The following SLCO3A1 variants were observed in gnomAD, a reference collection of about 807,000 sequenced individuals.
SLCO3A1 encodes the protein solute carrier organic anion transporter family member 3A1, also known as PGE1 transporter.
A neutral mutation model predicts 63.1 loss-of-function variants in SLCO3A1; 27 were observed. The observed-to-expected ratio is 0.43, with a 90% CI of 0.32 to 0.59. SLCO3A1 has a LOEUF of 0.59. Among genes scored for constraint, SLCO3A1 ranks in the 20% least tolerant of loss-of-function variants. The probability of loss-of-function intolerance (pLI) is 0.09; values close to 1 mark genes in which losing one functional copy is unlikely to be tolerated. For synonymous variants in SLCO3A1, 473 were observed against 409.9 expected (o/e 1.15, Z -1.86); for missense variants, 773 against 945.8 (o/e 0.82, Z 2.40).
rs1439048008 is a variant in SLCO3A1 at position 91,971,028 on chromosome 15, G to A, written c.646+54570G>A. The stretch of plus-strand genomic sequence containing the variant: ...TGTAGCCCCCAAATCAATACTCACG[G>A]CACCTTTGAAGACATGTGCAGGGTG... On this transcript the variant is annotated intron_variant, in intron 2 of 9. Coordinates refer to ENST00000318445, the MANE Select transcript of SLCO3A1 (RefSeq NM_013272.4). 2.6e-5 allele frequency among the ~76,000 whole-genome samples: 4 copies of A among 152,204 alleles called. No individual in the cohort carries two copies. The East Asian group carries it at 7.7e-4, about 29-fold the overall frequency.
chr15:91,861,921 T>G (rs1170042125), intron 1 of SLCO3A1, among the ~76,000 whole-genome samples: 1 of 117,076 alleles, frequency 8.5e-6, no homozygotes, highest in Non-Finnish European at 1.6e-5. Flanking sequence ...ATTACAGGTG[T>G]GAGCCACGGT....
rs1900725185 is a variant in SLCO3A1 at position 91,968,118 on chromosome 15, C to T, written c.646+51660C>T. Among the ~76,000 whole-genome samples the T allele has an allele frequency of 6.6e-6, 1 of 152,132 alleles. No individual in the cohort carries two copies. On this transcript the variant is annotated intron_variant, in intron 2 of 9. Transcript: ENST00000318445. The surrounding 1 kb of genome is among the most constrained non-coding windows in gnomAD (Gnocchi z 4.2). The stretch of plus-strand genomic sequence containing the variant: ...GGGAAGCCACTTACGGCCTATCCAT[C>T]AAAGCACAGTGCGTGTCTCCTTTCT...
intron 2 of SLCO3A1, among the ~76,000 whole-genome samples, chr15:92,059,585 G>T (rs1425744492): frequency 6.6e-6 from 1 of 152,126 alleles, no homozygotes; most frequent in South Asian, 2.1e-4. Flanking sequence ...CTGTGCCCCC[G>T]ACCAGATGGC....
rs188055465 is a variant in SLCO3A1, at chr15:91,967,769, T to C, written c.646+51311T>C. ...GCTGTGTTGTTTTCAAACAGCCTAC[T>C]TTTGGGGAACCACGAGGACGTAGTG... On this transcript the variant is annotated intron_variant, in intron 2 of 9. Transcript: ENST00000318445. The surrounding 1 kb of genome is among the most constrained non-coding windows in gnomAD (Gnocchi z 4.4). Among the ~76,000 whole-genome samples, 832 of 152,334 alleles carry C rather than the reference T, an allele frequency of 5.5e-3. 6 individuals carry two copies. Among genetic ancestry groups the C allele is most frequent in the Admixed American group, 7.8e-3 (119 of 15,310 alleles).
intron 8 of SLCO3A1, among the ~76,000 whole-genome samples, chr15:92,148,239 A>G (rs993683398): frequency 6.6e-6 from 1 of 152,220 alleles, no homozygotes; most frequent in East Asian, 1.9e-4. Context: ...GACTTGCCTA[A>G]TTGGGATGCA....
intron 2 of SLCO3A1, among the ~76,000 whole-genome samples, chr15:91,932,686 G>T (rs1180718085): frequency 6.6e-6 from 1 of 152,144 alleles, no homozygotes; most frequent in Non-Finnish European, 1.5e-5. Flanking sequence ...CAGGTGATCT[G>T]CCTGCCTCGG....
chr15:92,124,717 T>G lies in SLCO3A1; in HGVS notation c.1175-1344T>G, dbSNP rs1487679861. On this transcript the variant is annotated intron_variant, in intron 5 of 9. Transcript: ENST00000318445. ...CTGCTTCAAAGAGCTGAGAGAGCCA[T>G]GAAAACAGTATGGAATCTCAGGGTG... Among the ~76,000 whole-genome samples, 3 of 152,026 alleles carry G rather than the reference T, an allele frequency of 2.0e-5. No individual in the cohort carries two copies. The East Asian group carries it at 5.8e-4, about 29-fold the overall frequency.
intron 2 of SLCO3A1, among the ~76,000 whole-genome samples, chr15:91,931,969 G>A (rs1172423934): frequency 6.6e-6 from 1 of 152,170 alleles, no homozygotes; most frequent in African/African-American, 2.4e-5. Flanking sequence ...AAATCAAGGT[G>A]GAAGATTAGG....
rs1896992660 is a variant in SLCO3A1 at position 91,859,145 on chromosome 15, A to G, written c.180+5057A>G. On this transcript the variant is annotated intron_variant, in intron 1 of 9. Coordinates refer to ENST00000318445, the MANE Select transcript of SLCO3A1 (RefSeq NM_013272.4). This position sits in a 1 kb window ranked among gnomAD's most constrained non-coding sequence, Gnocchi z 5.1. ...TTGCATACAATGAATATTGTATGCCATACTTTTTGAAGGTGCGAAGGGACA... is the reference window on the plus strand; with the variant it reads ...TTGCATACAATGAATATTGTATGCCGTACTTTTTGAAGGTGCGAAGGGACA... Among the ~76,000 whole-genome samples the G allele has an allele frequency of 6.6e-6, 1 of 152,210 alleles. No homozygotes were observed. Among genetic ancestry groups the G allele is most frequent in the African/African-American group, 2.4e-5 (1 of 41,452 alleles).
chr15:92,105,192 G>T (rs903848075), intron 4 of SLCO3A1, among the ~76,000 whole-genome samples: 5 of 152,094 alleles, frequency 3.3e-5, no homozygotes, highest in African/African-American at 1.2e-4. Flanking sequence ...CTTGATCCTG[G>T]GTTCAAGCTC....
downstream of SLCO3A1, among the ~76,000 whole-genome samples, chr15:92,166,983 A>G (rs1372324009): frequency 1.3e-5 from 2 of 152,364 alleles, no homozygotes; most frequent in Non-Finnish European, 2.9e-5. Context: ...TATGAAGGTC[A>G]GTGCATAGAG....
At chr15:92,067,835 G>A (rs145616568) in intron 2 of SLCO3A1, among the ~76,000 whole-genome samples, 1 of 152,210 alleles carries the variant, frequency 6.6e-6, no homozygotes, top group Non-Finnish European at 1.5e-5. Flanking sequence ...TCATGGTTCT[G>A]CAGGCGGGGA....
intron 2 of SLCO3A1, among the ~76,000 whole-genome samples, chr15:92,024,862 C>T (rs1447539254): frequency 6.6e-6 from 1 of 152,050 alleles, no homozygotes; most frequent in Non-Finnish European, 1.5e-5. Context: ...AAGGCCTTCC[C>T]ATTCATCAAC....
intron 2 of SLCO3A1, among the ~76,000 whole-genome samples, chr15:91,956,993 G>GTATATATATAATATATAA (rs370413709): frequency 1.3e-4 from 1 of 7,970 alleles, no homozygotes. Context: ...ATAATATATA[G>GTATATATATAATATATAA]TATATATTAT....
At chr15:92,028,333 A>G (rs76785002) in intron 2 of SLCO3A1, among the ~76,000 whole-genome samples, 5,754 of 152,154 alleles carry the variant, frequency 0.038, 178 homozygotes, top group Non-Finnish European at 0.051. Context: ...CAGCACCAAA[A>G]TCTGCCCCCC....
chr15:92,116,084 G>A (rs1193646219), intron 4 of SLCO3A1, among the ~76,000 whole-genome samples: 2 of 152,118 alleles, frequency 1.3e-5, no homozygotes, highest in African/African-American at 2.4e-5. Context: ...CTGCTGTGCT[G>A]CTCTAACCAT....
chr15:92,171,323 AAAAC>A (rs1397370171), intron 10 of SLCO3A1: 1 of 153,992 alleles, frequency 6.5e-6, no homozygotes, highest in Admixed American at 6.4e-5. Flanking sequence ...GCTACACAAA[AAAAC>A]AAACTGTCCC....
chr15:92,099,835 G>A (rs2047583098), intron 3 of SLCO3A1, among the ~76,000 whole-genome samples: 1 of 152,162 alleles, frequency 6.6e-6, no homozygotes, highest in Admixed American at 6.5e-5. Context: ...GCCGAGGCAG[G>A]TGGATCACCT....
chr15:91,946,994 A>G (rs1389498324), intron 2 of SLCO3A1, among the ~76,000 whole-genome samples: 4 of 152,224 alleles, frequency 2.6e-5, no homozygotes, highest in Non-Finnish European at 5.9e-5. Flanking sequence ...GTGCTCACGG[A>G]GGACTCTTCC....
Sources: gnomAD v4.1 joint callset for allele counts (sites outside exome capture counted in the v4.1 genomes callset) on GRCh38, gnomAD v4.1.1 for gene constraint, Gnocchi (gnomAD v3.1) non-coding constraint, MANE v1.5 for transcripts, NCBI Gene and HGNC (gene_info 2026-07-23, HGNC 2026-07-21) for gene names.